Variants in AATF observed in about 807,000 individuals in gnomAD.
AATF encodes the protein apoptosis antagonizing transcription factor.
AATF carries 48 observed loss-of-function variants against 63.7 expected under a neutral mutation model. The observed-to-expected ratio is 0.75, with a 90% CI of 0.60 to 0.96. The LOEUF (loss-of-function observed/expected upper bound fraction) is 0.96, where lower values mean the gene tolerates loss of function less well. AATF is among the 40% of genes least tolerant of loss of function. AATF has a pLI of 0.00. For missense variants in AATF, 639 were observed against 685.7 expected (o/e 0.93, Z 0.76); for synonymous variants, 258 against 247.7 (o/e 1.04, Z -0.39).
chr17:36,962,600 C>T lies in AATF; in HGVS notation c.832+8693C>T, dbSNP rs148406962. Among the ~76,000 whole-genome samples, 80 of 151,038 alleles carry T rather than the reference C, an allele frequency of 5.3e-4. 1 individual carries two copies. In the East Asian group the frequency reaches 6.8e-3, roughly 13 times the overall value. ...TTTTTTGACTGCTCCATAGACAGAG[C>T]AGGGCTATCCCATAGGCAGAGTGGC... On this transcript the variant is annotated intron_variant, in intron 4 of 11. Transcript: ENST00000619387.
intron 4 of AATF, among the ~76,000 whole-genome samples, chr17:36,964,637 G>A (rs1003215756): frequency 6.6e-6 from 1 of 152,152 alleles, no homozygotes; most frequent in African/African-American, 2.4e-5. Flanking sequence ...TGGCTCCTAG[G>A]CCACTCAAAG....
At chr17:37,033,320 A>C (rs1415580955) in intron 11 of AATF, among the ~76,000 whole-genome samples, 2 of 152,190 alleles carry the variant, frequency 1.3e-5, no homozygotes, top group African/African-American at 4.8e-5. Flanking sequence ...GCTGTGAAAA[A>C]ATTATATCAA....
At chr17:37,054,165 A>G (rs1284660562) in intron 11 of AATF, among the ~76,000 whole-genome samples, 1 of 143,498 alleles carries the variant, frequency 7.0e-6, no homozygotes, top group Non-Finnish European at 1.5e-5. Flanking sequence ...GCTGGAATCT[A>G]CAGTGGGGGT....
chr17:36,987,295 G>A (rs543796741), intron 5 of AATF, among the ~76,000 whole-genome samples: 16 of 151,784 alleles, frequency 1.1e-4, no homozygotes, highest in African/African-American at 3.6e-4. Context: ...CTGGCCAAAA[G>A]CACATTTTTA....
intron 8 of AATF, among the ~76,000 whole-genome samples, chr17:36,994,672 T>C (rs1436521601): frequency 6.6e-6 from 1 of 152,242 alleles, no homozygotes; most frequent in East Asian, 1.9e-4. Context: ...ATATTTTCAG[T>C]GTCTGTTTGT....
chr17:36,965,489 CT>C (rs1276040423), intron 4 of AATF, among the ~76,000 whole-genome samples: 2 of 152,146 alleles, frequency 1.3e-5, no homozygotes, highest in Non-Finnish European at 2.9e-5. Flanking sequence ...GTCCTTTTGA[CT>C]TTTTAATATG....
At chr17:37,039,948 A>C (rs955183413) in intron 11 of AATF, among the ~76,000 whole-genome samples, 1 of 152,172 alleles carries the variant, frequency 6.6e-6, no homozygotes, top group African/African-American at 2.4e-5. Context: ...CTTCCTCAAA[A>C]TGGGCCTTTT....
chr17:37,003,604 C>T (rs2071319042), intron 8 of AATF, among the ~76,000 whole-genome samples: 1 of 149,042 alleles, frequency 6.7e-6, no homozygotes, highest in African/African-American at 2.5e-5. Context: ...GTAGCTGGAA[C>T]TAAAGGCGTG....
chr17:36,956,551 T>A (rs1163527592), intron 4 of AATF, among the ~76,000 whole-genome samples: 1 of 151,956 alleles, frequency 6.6e-6, no homozygotes, highest in African/African-American at 2.4e-5. Context: ...CAGGTGCCTG[T>A]AATCTCAGCT....
chr17:36,994,285 G>GT (rs1378704424), intron 8 of AATF, among the ~76,000 whole-genome samples: 1 of 152,172 alleles, frequency 6.6e-6, no homozygotes, highest in East Asian at 1.9e-4. Context: ...TAGTATTACA[G>GT]TTTTCACTTT....
intron 11 of AATF, among the ~76,000 whole-genome samples, chr17:37,045,212 G>T (rs2071679135): frequency 6.6e-6 from 1 of 152,202 alleles, no homozygotes. Context: ...CACACCCTAT[G>T]CTTTACCACT....
intron 4 of AATF, among the ~76,000 whole-genome samples, chr17:36,981,479 C>A (rs1179643186): frequency 1.3e-5 from 2 of 150,254 alleles, no homozygotes; most frequent in African/African-American, 4.9e-5. Context: ...GGTCTTGCTT[C>A]GTTACCCGGA....
At chr17:36,961,689 G>A (rs1370883488) in intron 4 of AATF, among the ~76,000 whole-genome samples, 1 of 137,290 alleles carries the variant, frequency 7.3e-6, no homozygotes, top group Admixed American at 7.3e-5. Context: ...TTTTTTTTTT[G>A]GAGACAGAGT....
intron 11 of AATF, among the ~76,000 whole-genome samples, chr17:37,036,133 T>G (rs573029824): frequency 2.4e-4 from 37 of 152,316 alleles, no homozygotes; most frequent in Admixed American, 4.6e-4. Context: ...TGTTCTGCCC[T>G]TTTGACTTCT....
At chr17:37,001,718 G>A (rs145557633) in intron 8 of AATF, among the ~76,000 whole-genome samples, 2,122 of 152,170 alleles carry the variant, frequency 0.014, 23 homozygotes, top group Non-Finnish European at 0.02. Context: ...CACAAATAAC[G>A]TCATACTCAC....
chr17:36,994,339 T>C (rs1489409332), intron 8 of AATF, among the ~76,000 whole-genome samples: 1 of 152,222 alleles, frequency 6.6e-6, no homozygotes, highest in Non-Finnish European at 1.5e-5. Flanking sequence ...AAAAAGTATT[T>C]TGTGTTAGAA....
At chr17:36,972,241 T>C (rs2071045130) in intron 4 of AATF, among the ~76,000 whole-genome samples, 1 of 152,178 alleles carries the variant, frequency 6.6e-6, no homozygotes, top group South Asian at 2.1e-4. Flanking sequence ...AAGAGAATAA[T>C]AGATTACACA....
intron 4 of AATF, among the ~76,000 whole-genome samples, chr17:36,965,949 C>T (rs1567967293): frequency 6.6e-6 from 1 of 152,064 alleles, no homozygotes; most frequent in South Asian, 2.1e-4. Context: ...TCTGAAATTG[C>T]CTGAAGAGAT....
intron 11 of AATF, 57 bp downstream of exon 11, chr17:37,031,742 C>A: frequency 1.5e-6 from 2 of 1,363,694 alleles, no homozygotes; most frequent in South Asian, 1.2e-5. Flanking sequence ...TGATATTGAC[C>A]TGCTCTACAG....
Sources: allele counts gnomAD v4.1 joint callset (sites outside exome capture counted in the v4.1 genomes callset), GRCh38; gene constraint gnomAD v4.1.1; transcripts MANE v1.5; gene names NCBI Gene and HGNC (gene_info 2026-07-23, HGNC 2026-07-21).